MPRIP: variants seen among roughly 807,000 people sequenced by gnomAD.
MPRIP encodes the protein myosin phosphatase Rho interacting protein, also known as myosin phosphatase Rho-interacting protein.
Under a neutral mutation model 234.9 loss-of-function variants are expected in MPRIP, and 59 were observed. That is an observed-to-expected ratio of 0.25 (90% CI 0.20 to 0.31). The LOEUF is 0.31. MPRIP is among the 10% of genes least tolerant of loss of function. The pLI is 1.00. For missense variants in MPRIP, 2,436 were observed against 3,071.0 expected, an observed-to-expected ratio of 0.79 and a Z score of 4.89; for synonymous variants, 1,144 against 1,263.9, an observed-to-expected ratio of 0.91 and a Z score of 2.01.
intron 1 of MPRIP, among the ~76,000 whole-genome samples, chr17:17,050,783 G>A (rs2143842377): frequency 6.6e-6 from 1 of 152,386 alleles, no homozygotes; most frequent in South Asian, 2.1e-4. Flanking sequence ...GGGGCAGAAG[G>A]GAGGAAGGTC....
At chr17:17,077,353 C>G (rs2089356359) in intron 2 of MPRIP, 1 of 152,954 alleles carries the variant, frequency 6.5e-6, no homozygotes, top group African/African-American at 2.4e-5. Context: ...GCCGTGGACA[C>G]TTCCCAGTGG....
chr17:17,127,678 G>A (rs2090519488), intron 4 of MPRIP, among the ~76,000 whole-genome samples: 1 of 152,286 alleles, frequency 6.6e-6, no homozygotes, highest in South Asian at 2.1e-4. Context: ...AGGCACATGA[G>A]TCTAAGAAGC....
Position 17,042,998 on chromosome 17 carries a change from C to T in MPRIP, c.123+27C>T, listed in dbSNP as rs528147462. The T allele has an allele frequency of 3.9e-5, 63 of 1,603,594 alleles. No individual in the cohort carries two copies. The South Asian group carries it at 5.6e-4, about 14-fold the overall frequency. ...TGAGCGACTGGGGCCGGCCCGGACA[C>T]CTCCGTTCTGGGAGCCGCGGGTCGG... On this transcript the variant is annotated intron_variant, in intron 1 of 23. Transcript: ENST00000651222.
intron 1 of MPRIP, among the ~76,000 whole-genome samples, chr17:17,074,050 G>C (rs1175367551): frequency 6.6e-6 from 1 of 152,216 alleles, no homozygotes. Flanking sequence ...GGTTCAGCCT[G>C]GAGGCTGTGT....
At chr17:17,180,609 C>T (rs764072599) in intron 23 of MPRIP, 47 of 1,613,514 alleles carry the variant, frequency 2.9e-5, no homozygotes, top group African/African-American at 4.0e-5. Context: ...TCTGACAGTC[C>T]GTAATTGAGC....
intron 15 of MPRIP, among the ~76,000 whole-genome samples, chr17:17,163,891 G>A (rs1485794934): frequency 7.1e-6 from 1 of 140,776 alleles, no homozygotes; most frequent in Non-Finnish European, 1.5e-5. Flanking sequence ...TGATGTTATT[G>A]TCCATGTTTT....
intron 11 of MPRIP, chr17:17,149,757 T>A (rs2045558480): frequency 6.7e-6 from 1 of 148,368 alleles, no homozygotes. Flanking sequence ...TATTTTAAAA[T>A]ATATTTAAAT....
At chr17:17,064,040 C>T (rs527483508) in intron 1 of MPRIP, among the ~76,000 whole-genome samples, 42 of 152,254 alleles carry the variant, frequency 2.8e-4, no homozygotes, top group Non-Finnish European at 4.7e-4. Context: ...TGTGGGTGGC[C>T]TCCAGGGAAG....
intron 5 of MPRIP, among the ~76,000 whole-genome samples, chr17:17,134,676 C>T (rs532071049): frequency 1.1e-4 from 17 of 152,322 alleles, no homozygotes; most frequent in African/African-American, 3.8e-4. Flanking sequence ...GAGCCCCACC[C>T]AAGGCAGTGC....
chr17:17,149,630 T>C (rs2045553639), intron 11 of MPRIP: 1 of 151,178 alleles, frequency 6.6e-6, no homozygotes, highest in African/African-American at 2.4e-5. Context: ...TTAAATCAGA[T>C]TTTTATTTTA....
At position 17,172,749 on chromosome 17, in the gene MPRIP, A is replaced by G. The variant is rs747243151; in HGVS notation, c.6524A>G (p.Glu2175Gly). The G allele has an allele frequency of 1.2e-6, 2 of 1,612,214 alleles. No homozygotes were observed. Among genetic ancestry groups the G allele is most frequent in the Non-Finnish European group, 8.5e-7 (1 of 1,180,014 alleles). ...CGGGAGGAAATGGAGCGGGAGCTGGAGAAGAGCCAGCGGTCCCAGATCAGC... is the reference window on the plus strand; with the variant it reads ...CGGGAGGAAATGGAGCGGGAGCTGGGGAAGAGCCAGCGGTCCCAGATCAGC... Reference protein sequence around the residue: ...AHREEMERELEKSQRSQISSV... With the variant: ...AHREEMERELGKSQRSQISSV... The change falls in exon 18 of 24, where the codon GAG (glutamate) becomes GGG (glycine). Residue 2175 changes from glutamate (E) to glycine (G), a missense_variant. Coordinates refer to ENST00000651222, the MANE Select transcript of MPRIP (RefSeq NM_001364716.4).
chr17:17,046,939 A>G (rs1490658722), intron 1 of MPRIP, among the ~76,000 whole-genome samples: 1 of 152,108 alleles, frequency 6.6e-6, no homozygotes, highest in Non-Finnish European at 1.5e-5. Flanking sequence ...GCACTTAGGG[A>G]GGCTGAGGTG....
chr17:17,132,829 G>A (rs896588763), intron 5 of MPRIP, among the ~76,000 whole-genome samples: 1 of 152,364 alleles, frequency 6.6e-6, no homozygotes, highest in South Asian at 2.1e-4. Context: ...AAAATACAGA[G>A]TGGTTCCTGG....
chr17:17,103,745 ACT>A (rs1176728072), intron 3 of MPRIP, among the ~76,000 whole-genome samples: 8 of 152,110 alleles, frequency 5.3e-5, no homozygotes, highest in Non-Finnish European at 1.2e-4. Context: ...TGGAAGCATT[ACT>A]CTCTGCAGGA....
chr17:17,153,084 G>A (rs895113181), intron 12 of MPRIP, among the ~76,000 whole-genome samples: 1 of 152,190 alleles, frequency 6.6e-6, no homozygotes, highest in Admixed American at 6.5e-5. Flanking sequence ...GGAGAAGGAT[G>A]GACCCAGGAG....
chr17:17,121,387 T>C (rs988213450), intron 3 of MPRIP, among the ~76,000 whole-genome samples: 17 of 152,350 alleles, frequency 1.1e-4, no homozygotes, highest in African/African-American at 2.9e-4. Context: ...AACATCGTTG[T>C]GCGGTGCATG....
At chr17:17,063,830 T>C (rs1003870892) in intron 1 of MPRIP, among the ~76,000 whole-genome samples, 1 of 152,344 alleles carries the variant, frequency 6.6e-6, no homozygotes, top group African/African-American at 2.4e-5. Context: ...TGTGCACGTC[T>C]GAGACGCATC....
At chr17:17,068,976 AC>A (rs1489979402) in intron 1 of MPRIP, among the ~76,000 whole-genome samples, 2 of 152,196 alleles carry the variant, frequency 1.3e-5, no homozygotes, top group Non-Finnish European at 2.9e-5. Context: ...CATCATAGTT[AC>A]GTTAGTTCCC....
At chr17:17,172,645 G>A (rs2046166139) in intron 17 of MPRIP, 53 bp from the exon 18 acceptor site, 20 of 1,449,862 alleles carry the variant, frequency 1.4e-5, no homozygotes, top group Non-Finnish European at 1.9e-5. Context: ...CCCCACCCCT[G>A]TCAGCAGGAA....
Sources: gnomAD v4.1 joint callset for allele counts (sites outside exome capture counted in the v4.1 genomes callset) on GRCh38, gnomAD v4.1.1 for gene constraint, MANE v1.5 for transcripts, NCBI Gene and HGNC (gene_info 2026-07-23, HGNC 2026-07-21) for gene names.